Variants in HCK observed in about 807,000 individuals in gnomAD.
The protein encoded by HCK is tyrosine-protein kinase HCK.
Under a neutral mutation model 70.4 loss-of-function variants are expected in HCK, and 40 were observed. That is an observed-to-expected ratio of 0.57 (90% CI 0.44 to 0.74). The LOEUF (loss-of-function observed/expected upper bound fraction) is 0.74, where lower values mean the gene tolerates loss of function less well. Ranked by LOEUF, HCK falls within the 30% of genes least tolerant of loss-of-function variation. The pLI, the probability that HCK is intolerant of heterozygous loss-of-function variation, is 0.00. For missense variants in HCK, 568 were observed against 697.2 expected (o/e 0.81, Z 2.09); for synonymous variants, 245 against 263.2 (o/e 0.93, Z 0.67).
intron 11 of HCK, among the ~76,000 whole-genome samples, chr20:32,094,603 A>T (rs2045908540): frequency 6.6e-6 from 1 of 151,646 alleles, no homozygotes; most frequent in Non-Finnish European, 1.5e-5. Flanking sequence ...TGAGAGGATC[A>T]CTTGAGTCTA....
At chr20:32,091,351 G>A (rs936604813) in intron 10 of HCK, among the ~76,000 whole-genome samples, 2 of 152,214 alleles carry the variant, frequency 1.3e-5, no homozygotes, top group Non-Finnish European at 2.9e-5. Flanking sequence ...CCCTGGCTCC[G>A]CAACTTGCAA....
chr20:32,071,350 C>T (rs1050981822), intron 1 of HCK, among the ~76,000 whole-genome samples: 3 of 152,216 alleles, frequency 2.0e-5, no homozygotes, highest in Non-Finnish European at 2.9e-5. Flanking sequence ...CTACCTGTTA[C>T]ATTTCTGTTA....
intron 1 of HCK, among the ~76,000 whole-genome samples, chr20:32,067,178 G>A (rs527891311): frequency 2.2e-4 from 34 of 152,234 alleles, no homozygotes; most frequent in African/African-American, 7.9e-4. Context: ...CCCCTCCTAT[G>A]TTTACCACTC....
intron 11 of HCK, among the ~76,000 whole-genome samples, chr20:32,094,751 A>AAGAG (rs1327921414): frequency 0.02 from 1,728 of 87,496 alleles, 69 homozygotes; most frequent in African/African-American, 0.037. Context: ...GAAAGAAAGA[A>AAGAG]AGAAAGAAAG....
rs2046034915 is a variant in HCK, at chr20:32,101,515, C to T, written c.1577C>T (p.Pro526Leu). 6.2e-7 allele frequency: 1 copy of T among 1,612,374 alleles called. No individual in the cohort carries two copies. The highest frequency in any genetic ancestry group is 8.5e-7 in the Non-Finnish European group (1 of 1,179,180). The change falls in exon 13 of 13, where the codon CCA becomes CTA. Residue 526 changes from proline (P) to leucine (L), a missense_variant. This residue lies in a region of HCK where 77 missense variants were observed against 85.0 expected (regional missense o/e 0.91). Transcript: ENST00000375852. ...ACAGAGAGCCAGTACCAACAGCAGC[C>T]ATGATAGGGAGGACCAGGGCAGGGC... is the stretch of plus-strand genomic sequence containing the variant.
At chr20:32,079,661 AC>A in intron 5 of HCK, 112 bp from the exon 6 acceptor site, 1 of 673,532 alleles carries the variant, frequency 1.5e-6, no homozygotes, top group Non-Finnish European at 2.7e-6. Flanking sequence ...AGGAAGCCAG[AC>A]CCTCTGTATC....
At chr20:32,054,998 A>G (rs1050766504) in intron 1 of HCK, among the ~76,000 whole-genome samples, 4 of 152,190 alleles carry the variant, frequency 2.6e-5, no homozygotes, top group African/African-American at 4.8e-5. Flanking sequence ...TAACGACTCT[A>G]CAGTATTTCT....
intron 2 of HCK, among the ~76,000 whole-genome samples, chr20:32,072,961 A>G (rs1433850785): frequency 6.6e-6 from 1 of 152,052 alleles, no homozygotes; most frequent in East Asian, 1.9e-4. Context: ...TTAGCCAGGC[A>G]TGGTGGCATG....
Position 32,092,525 on chromosome 20 carries a change from C to G in HCK, c.1093-1338C>G, listed in dbSNP as rs186118711. Among the ~76,000 whole-genome samples, 138 of 152,272 alleles carry G rather than the reference C, an allele frequency of 9.1e-4. 1 individual carries two copies. Among genetic ancestry groups the G allele is most frequent in the African/African-American group, 3.1e-3 (129 of 41,546 alleles). On this transcript the variant is annotated intron_variant, in intron 10 of 12. Transcript: ENST00000375852. Reference sequence around the variant, plus strand: ...CTGGTGTGAATAAGAATCCTCCACGCAGTCTGTTAGTCACTCAGCAGCCAT... The same window carrying G: ...CTGGTGTGAATAAGAATCCTCCACGGAGTCTGTTAGTCACTCAGCAGCCAT...
At chr20:32,087,689 TG>T (rs1421583638) in intron 9 of HCK, among the ~76,000 whole-genome samples, 2 of 152,078 alleles carry the variant, frequency 1.3e-5, no homozygotes, top group African/African-American at 2.4e-5. Flanking sequence ...TTTCCCAGGC[TG>T]GAGTGCAGTG....
chr20:32,073,362 GTA>G lies in HCK; in HGVS notation c.226+2_226+3del. 6.2e-7 allele frequency: 1 copy of G among 1,611,550 alleles called. No individual in the cohort carries two copies. Among genetic ancestry groups the G allele is most frequent in the Non-Finnish European group, 8.5e-7 (1 of 1,178,974 alleles). ...AGCAACACACCAGGAATCAGGGAGG[GTA>G]AGTATCTACGAGCAGATGCAGTGGA... On this transcript the variant is annotated splice_donor_variant and splice_donor_region_variant and intron_variant, in intron 3 of 12. Transcript: ENST00000375852. LOFTEE classifies it high-confidence loss of function.
chr20:32,084,748 C>T (rs2045759990), intron 8 of HCK, among the ~76,000 whole-genome samples: 1 of 152,194 alleles, frequency 6.6e-6, no homozygotes, highest in East Asian at 1.9e-4. Context: ...GAGACCAGTC[C>T]TGTAGTGGTC....
Position 32,061,255 on chromosome 20 carries a change from T to C in HCK, c.62+8769T>C, listed in dbSNP as rs566564919. ...CCTTGGCCTCCCAAAGTGCTGGGAT[T>C]ACAGGCGTGAGCCACTGCGCCCAGC... On this transcript the variant is annotated intron_variant, in intron 1 of 12. Transcript: ENST00000375852. Among the ~76,000 whole-genome samples the C allele has an allele frequency of 3.0e-4, 45 of 152,352 alleles. 1 individual carries two copies. The highest frequency in any genetic ancestry group is 2.2e-3 in the Admixed American group (34 of 15,300).
At position 32,073,621 on chromosome 20, in the gene HCK, T is replaced by C. The variant is rs1197351827; in HGVS notation, c.227-95T>C. The C allele has an allele frequency of 1.4e-5, 11 of 772,088 alleles. No homozygotes were observed. The East Asian group carries it at 2.7e-4, about 19-fold the overall frequency. The allele number at this position is 772,088 out of a possible 1,614,324, so 47.8% of individuals were successfully genotyped here. On this transcript the variant is annotated intron_variant, in intron 3 of 12. Coordinates refer to ENST00000375852, the MANE Select transcript of HCK (RefSeq NM_002110.5). ...ACTTATACTTGGAACCACATATCGA[T>C]GGGTGCGGAGCTGTTCCAGGTGCCG... is the stretch of plus-strand genomic sequence containing the variant.
intron 6 of HCK, among the ~76,000 whole-genome samples, chr20:32,081,260 T>C (rs919425439): frequency 6.6e-5 from 10 of 152,222 alleles, no homozygotes; most frequent in Admixed American, 2.6e-4. Context: ...GAAGTTTTAA[T>C]GTCAGGTGAC....
chr20:32,061,047 A>G (rs560231281), intron 1 of HCK, among the ~76,000 whole-genome samples: 19 of 151,990 alleles, frequency 1.3e-4, no homozygotes, highest in African/African-American at 3.9e-4. Context: ...GCAGTGGCGC[A>G]GTCTTGGCTC....
In HCK at chr20:32,083,244, C is replaced by T. The variant is rs185491141; in HGVS notation, c.533-650C>T. Among the ~76,000 whole-genome samples the T allele has an allele frequency of 9.2e-5, 14 of 152,234 alleles. No homozygotes were observed. The East Asian group carries it at 9.7e-4, about 11-fold the overall frequency. ...CCTGGATCATCTGGAATAATCTCCC[C>T]GTCTCCAGATCCTTAACTTAATCAC... On this transcript the variant is annotated intron_variant, in intron 6 of 12. Transcript: ENST00000375852.
chr20:32,099,596 G>A (rs1247383584), intron 12 of HCK, among the ~76,000 whole-genome samples: 1 of 152,078 alleles, frequency 6.6e-6, no homozygotes, highest in Non-Finnish European at 1.5e-5. Flanking sequence ...GACCTTAGGT[G>A]ATGCGCCTGC....
At chr20:32,054,016 G>A (rs2045224997) in intron 1 of HCK, among the ~76,000 whole-genome samples, 1 of 151,762 alleles carries the variant, frequency 6.6e-6, no homozygotes, top group Non-Finnish European at 1.5e-5. Context: ...TTAGGGGAGG[G>A]GGTGACAGGT....
Sources: gnomAD v4.1 joint callset for allele counts (sites outside exome capture counted in the v4.1 genomes callset) on GRCh38, gnomAD v4.1.1 for gene constraint, gnomAD v4.1.1 regional missense constraint, MANE v1.5 for transcripts, NCBI Gene and HGNC (gene_info 2026-07-23, HGNC 2026-07-21) for gene names.